CSMD3: variants seen among roughly 807,000 people sequenced by gnomAD.
CSMD3 encodes the protein CUB and Sushi multiple domains 3, also known as CUB and sushi domain-containing protein 3.
In CSMD3, 177 loss-of-function variants were observed where a neutral mutation model predicts 435.2. That is an observed-to-expected ratio of 0.41 (90% CI 0.36 to 0.46). CSMD3 has a LOEUF of 0.46. CSMD3 is among the 20% of genes least tolerant of loss of function. CSMD3 has a pLI of 0.34. For missense variants in CSMD3, 4,265 were observed against 4,504.6 expected (o/e 0.95, Z 1.52); for synonymous variants, 1,656 against 1,520.5 (o/e 1.09, Z -2.07).
At chr8:113,396,116 A>G (rs1729709942) in intron 1 of CSMD3, among the ~76,000 whole-genome samples, 1 of 152,146 alleles carries the variant, frequency 6.6e-6, no homozygotes, top group African/African-American at 2.4e-5. Context: ...AAAACTCTCT[A>G]AGGAATGACT....
intron 3 of CSMD3, among the ~76,000 whole-genome samples, chr8:113,257,653 C>T (rs1249449614): frequency 6.6e-6 from 1 of 152,046 alleles, no homozygotes; most frequent in East Asian, 1.9e-4. Context: ...ATTTGCAAAA[C>T]ATTGATGTAT....
At chr8:113,097,883 T>G (rs2090212809) in intron 5 of CSMD3, among the ~76,000 whole-genome samples, 1 of 151,968 alleles carries the variant, frequency 6.6e-6, no homozygotes. Flanking sequence ...CAAAGTCCTT[T>G]TGATTATACA....
chr8:112,504,625 A>G (rs1822317899), intron 29 of CSMD3, among the ~76,000 whole-genome samples: 1 of 152,128 alleles, frequency 6.6e-6, no homozygotes, highest in African/African-American at 2.4e-5. Context: ...AAACCAATAC[A>G]TTATCAGAAT....
chr8:112,779,938 A>G (rs1441029792), intron 13 of CSMD3, among the ~76,000 whole-genome samples: 3 of 152,096 alleles, frequency 2.0e-5, no homozygotes, highest in Non-Finnish European at 4.4e-5. Flanking sequence ...AATAAGGAAT[A>G]CCATTTTACT....
intron 9 of CSMD3, among the ~76,000 whole-genome samples, chr8:112,942,268 A>G (rs888853496): frequency 2.7e-5 from 4 of 150,194 alleles, no homozygotes; most frequent in African/African-American, 9.8e-5. Flanking sequence ...AACGGCTGGC[A>G]TGAGTGTAAA....
intron 6 of CSMD3, among the ~76,000 whole-genome samples, chr8:112,980,214 A>C (rs1365908688): frequency 6.6e-6 from 1 of 150,788 alleles, no homozygotes; most frequent in East Asian, 2.0e-4. Flanking sequence ...CTTTGTAATT[A>C]TTCTCTAACT....
At chr8:112,711,483 C>G (rs1273054248) in intron 13 of CSMD3, among the ~76,000 whole-genome samples, 1 of 151,988 alleles carries the variant, frequency 6.6e-6, no homozygotes, top group Non-Finnish European at 1.5e-5. Context: ...TTTCGTGTGC[C>G]TAGCACCCAG....
At chr8:113,101,919 T>TA (rs781103746) in intron 4 of CSMD3, among the ~76,000 whole-genome samples, 4 of 151,780 alleles carry the variant, frequency 2.6e-5, no homozygotes, top group South Asian at 2.1e-4. Context: ...GGCAATATTT[T>TA]AAAAAAAACA....
chr8:113,059,035 A>C (rs966191897), intron 5 of CSMD3, among the ~76,000 whole-genome samples: 2 of 152,120 alleles, frequency 1.3e-5, no homozygotes, highest in Admixed American at 6.6e-5. Flanking sequence ...TTATTCAATA[A>C]ATTACATAAA....
chr8:112,992,497 G>A (rs2085492502), intron 6 of CSMD3, among the ~76,000 whole-genome samples: 1 of 151,684 alleles, frequency 6.6e-6, no homozygotes. Context: ...GGATATCTTT[G>A]CTTACTCCTG....
chr8:113,178,090 A>G (rs1308124381), intron 3 of CSMD3, among the ~76,000 whole-genome samples: 7 of 151,948 alleles, frequency 4.6e-5, no homozygotes, highest in Non-Finnish European at 1.5e-5. Flanking sequence ...TGTACTAGTT[A>G]ATACTACAGC....
chr8:113,427,846 G>C (rs2094645128), intron 1 of CSMD3, among the ~76,000 whole-genome samples: 1 of 151,590 alleles, frequency 6.6e-6, no homozygotes. Flanking sequence ...AAGATACCAA[G>C]TAAAACAATT....
Position 112,506,836 on chromosome 8 carries a change from T to C in CSMD3, c.4757-7A>G. 6.2e-7 allele frequency: 1 copy of C among 1,609,532 alleles called. No homozygotes were observed. The highest frequency in any genetic ancestry group is 8.5e-7 in the Non-Finnish European group (1 of 1,176,938). On this transcript the variant is annotated splice_region_variant and splice_polypyrimidine_tract_variant and intron_variant, in intron 28 of 70. Transcript: ENST00000297405. ...AAATTGCCTCCACAGGGTGCTTTAA[T>C]TTAAACAAACAAATAAAATCTCTTT...
chr8:113,012,807 G>T (rs1230796521), intron 6 of CSMD3, among the ~76,000 whole-genome samples: 5 of 151,866 alleles, frequency 3.3e-5, no homozygotes, highest in African/African-American at 1.2e-4. Flanking sequence ...TGATAATACA[G>T]TTCATCTAAA....
At position 112,292,634 on chromosome 8, in the gene CSMD3, T is replaced by C. The variant is rs1251259388; in HGVS notation, c.8691A>G (p.Val2897=). 2 of 1,613,762 alleles carry C rather than the reference T, an allele frequency of 1.2e-6. No individual in the cohort carries two copies. Among genetic ancestry groups the C allele is most frequent in the African/African-American group, 1.3e-5 (1 of 74,916 alleles). ...SGNGFNFNDV[V]TFSCNIGYLM... is the part of the protein sequence containing the mutation. ...GATACCCAATATTGCATGAGAATGT[T>C]ACCACATCATTAAAGTTGAACCCAT... Residue 2897 remains valine (V), a synonymous_variant, in exon 55 of 71, where the codon GTA becomes GTG. Transcript: ENST00000297405.
chr8:113,398,841 G>T (rs942002537), intron 1 of CSMD3, among the ~76,000 whole-genome samples: 1 of 151,620 alleles, frequency 6.6e-6, no homozygotes, highest in African/African-American at 2.4e-5. Flanking sequence ...GATCCTAAAA[G>T]AATTGCATAA....
At chr8:112,766,126 G>A (rs1418895224) in intron 13 of CSMD3, among the ~76,000 whole-genome samples, 1 of 151,658 alleles carries the variant, frequency 6.6e-6, no homozygotes, top group Non-Finnish European at 1.5e-5. Flanking sequence ...TCCACAGGTG[G>A]AGAGGAGTTG....
At chr8:112,327,938 T>C (rs984638849) in intron 45 of CSMD3, among the ~76,000 whole-genome samples, 3 of 152,246 alleles carry the variant, frequency 2.0e-5, no homozygotes, top group Non-Finnish European at 4.4e-5. Context: ...TAATGCTGCA[T>C]GTATCTACTT....
At chr8:113,155,656 T>C (rs2091915008) in intron 4 of CSMD3, among the ~76,000 whole-genome samples, 1 of 152,026 alleles carries the variant, frequency 6.6e-6, no homozygotes, top group African/African-American at 2.4e-5. Flanking sequence ...TATTTGAAAT[T>C]AATTTCAACG....
Sources: allele counts gnomAD v4.1 joint callset (sites outside exome capture counted in the v4.1 genomes callset), GRCh38; gene constraint gnomAD v4.1.1; transcripts MANE v1.5; gene names NCBI Gene and HGNC (gene_info 2026-07-23, HGNC 2026-07-21).